Variants in WWOX observed in about 807,000 individuals in gnomAD.
The protein encoded by WWOX is WW domain-containing oxidoreductase.
In WWOX, 69 loss-of-function variants were observed where a neutral mutation model predicts 46.2. The ratio of observed to expected loss-of-function variants is 1.49; its 90% CI spans 1.23 to 1.82. WWOX has a LOEUF of 1.82. Among genes scored for constraint, WWOX ranks in the 40% most tolerant of loss-of-function variants. The pLI is 0.00. For missense variants in WWOX, 919 were observed against 542.6 expected (o/e 1.69, Z -6.89); for synonymous variants, 359 against 202.6 (o/e 1.77, Z -6.56).
At chr16:78,419,762 C>T (rs1274155195) in intron 6 of WWOX, among the ~76,000 whole-genome samples, 1 of 149,652 alleles carries the variant, frequency 6.7e-6, no homozygotes, top group African/African-American at 2.5e-5. Context: ...ACAACCCTGA[C>T]AGCACAAGTG....
intron 8 of WWOX, among the ~76,000 whole-genome samples, chr16:78,461,168 C>G (rs1454949287): frequency 6.6e-6 from 1 of 152,192 alleles, no homozygotes; most frequent in Non-Finnish European, 1.5e-5. Context: ...ACAGATTTCA[C>G]TATCCATGAA....
chr16:78,204,952 G>T (rs1347110625), intron 5 of WWOX, among the ~76,000 whole-genome samples: 1 of 152,156 alleles, frequency 6.6e-6, no homozygotes, highest in Non-Finnish European at 1.5e-5. Flanking sequence ...TGTGGATGTT[G>T]AAAAGAACAA....
At chr16:78,411,718 TGTAGAGGTGACAAGACCAG>T in intron 6 of WWOX, among the ~76,000 whole-genome samples, 1 of 152,132 alleles carries the variant, frequency 6.6e-6, no homozygotes, top group East Asian at 1.9e-4. Flanking sequence ...AGTGGGAGAA[TGTAGAGGTGACAAGACCAG>T]GTGTGGGCTA....
intron 8 of WWOX, among the ~76,000 whole-genome samples, chr16:78,570,855 T>G (rs979349900): frequency 1.3e-5 from 2 of 152,120 alleles, no homozygotes; most frequent in Non-Finnish European, 2.9e-5. Flanking sequence ...GGGCAAGCTT[T>G]GGAAAGCACG....
At chr16:78,739,305 TG>T (rs1253935281) in intron 8 of WWOX, among the ~76,000 whole-genome samples, 1 of 152,210 alleles carries the variant, frequency 6.6e-6, no homozygotes, top group Non-Finnish European at 1.5e-5. Flanking sequence ...ATGGTCATAC[TG>T]GGTTTTGGTG....
chr16:78,430,833 T>C (rs1016627332), intron 7 of WWOX, among the ~76,000 whole-genome samples: 8 of 152,250 alleles, frequency 5.3e-5, no homozygotes, highest in African/African-American at 1.9e-4. Flanking sequence ...GGATATTTAA[T>C]TTCCATTAAA....
chr16:78,863,430 A>C (rs1439405169), intron 8 of WWOX, among the ~76,000 whole-genome samples: 1 of 152,214 alleles, frequency 6.6e-6, no homozygotes. Context: ...AATATGCAGC[A>C]TTATATTCCA....
chr16:78,119,510 A>G (rs796296835), intron 4 of WWOX, among the ~76,000 whole-genome samples: 17 of 152,194 alleles, frequency 1.1e-4, no homozygotes, highest in African/African-American at 4.1e-4. Flanking sequence ...TACTCTGTTC[A>G]TTGTCTTAAT....
intron 8 of WWOX, among the ~76,000 whole-genome samples, chr16:78,947,156 G>C (rs1033211857): frequency 1.7e-4 from 25 of 148,908 alleles, no homozygotes; most frequent in African/African-American, 6.1e-4. Flanking sequence ...ATTAAAAATA[G>C]ATCAAAAAAG....
intron 8 of WWOX, among the ~76,000 whole-genome samples, chr16:78,845,192 A>C (rs2052267103): frequency 6.6e-6 from 1 of 151,754 alleles, no homozygotes. Flanking sequence ...TTAAAAAAAA[A>C]AAAGAATCCA....
At chr16:78,295,610 C>T (rs1383774893) in intron 5 of WWOX, among the ~76,000 whole-genome samples, 1 of 152,158 alleles carries the variant, frequency 6.6e-6, no homozygotes, top group Admixed American at 6.6e-5. Context: ...ACTCAGGAGG[C>T]TGAGATGGGA....
chr16:79,163,106 T>A (rs942970506), intron 8 of WWOX, among the ~76,000 whole-genome samples: 15 of 152,154 alleles, frequency 9.9e-5, no homozygotes, highest in Non-Finnish European at 2.1e-4. Flanking sequence ...ACAAGCGACA[T>A]TTGTGTGCAG....
At chr16:79,010,116 T>C (rs1025881508) in intron 8 of WWOX, among the ~76,000 whole-genome samples, 2 of 152,198 alleles carry the variant, frequency 1.3e-5, no homozygotes, top group Admixed American at 6.6e-5. Flanking sequence ...CACTCCACCT[T>C]ACTCATGCCT....
At chr16:79,196,903 C>T (rs764332336) in intron 8 of WWOX, among the ~76,000 whole-genome samples, 9 of 152,150 alleles carry the variant, frequency 5.9e-5, no homozygotes, top group African/African-American at 1.2e-4. Context: ...TTCGGGAGTT[C>T]GGTGTCACCC....
chr16:79,026,476 G>T (rs2047644227), intron 8 of WWOX, among the ~76,000 whole-genome samples: 1 of 151,572 alleles, frequency 6.6e-6, no homozygotes. Flanking sequence ...TTGCAGTTCT[G>T]TACTTGTTCA....
At chr16:78,680,649 TCA>T (rs767547950) in intron 8 of WWOX, among the ~76,000 whole-genome samples, 70 of 152,342 alleles carry the variant, frequency 4.6e-4, no homozygotes, top group Admixed American at 9.2e-4. Flanking sequence ...ATTCAATCTC[TCA>T]CTCACACATT....
At chr16:78,501,582 G>A (rs1048210049) in intron 8 of WWOX, among the ~76,000 whole-genome samples, 36 of 151,520 alleles carry the variant, frequency 2.4e-4, no homozygotes, top group Non-Finnish European at 3.7e-4. Context: ...TGTCACCCAG[G>A]CTGGAGTGCA....
intron 8 of WWOX, among the ~76,000 whole-genome samples, chr16:78,476,666 C>T (rs74681907): frequency 4.6e-4 from 70 of 151,972 alleles, no homozygotes; most frequent in African/African-American, 1.6e-3. Flanking sequence ...CATTTCAAGA[C>T]CCGTCCCCCA....
rs11458852 is a variant in WWOX at position 78,688,369 on chromosome 16, T to TAA, written c.1056+255631_1056+255632dup. ...TGATGAGTCACTATATCAGTTACTT[T>TAA]AAAAAAAAAAAAAAAGATCCTGACA... On this transcript the variant is annotated intron_variant, in intron 8 of 8. Coordinates refer to ENST00000566780, the MANE Select transcript of WWOX (RefSeq NM_016373.4). Among the ~76,000 whole-genome samples the TAA allele has an allele frequency of 3.7e-3, 531 of 142,406 alleles. 2 individuals are homozygous for TAA. The highest frequency in any genetic ancestry group is 9.5e-3 in the African/African-American group (369 of 38,856). The allele number at this position is 142,406 out of a possible 152,430, so 93.4% of individuals were successfully genotyped here.
Sources: gnomAD v4.1 joint callset for allele counts (sites outside exome capture counted in the v4.1 genomes callset) on GRCh38, gnomAD v4.1.1 for gene constraint, MANE v1.5 for transcripts, NCBI Gene and HGNC (gene_info 2026-07-23, HGNC 2026-07-21) for gene names.